The following ZNF420 variants were observed in gnomAD, a reference collection of about 807,000 sequenced individuals.
ZNF420 encodes the protein ATM and p53-associated KZNF protein.
In ZNF420, 31 loss-of-function variants were observed where a neutral mutation model predicts 44.7. That is an observed-to-expected ratio of 0.69 (90% CI 0.52 to 0.94). The LOEUF is 0.94. Among genes scored for constraint, ZNF420 ranks in the 40% least tolerant of loss-of-function variants. The pLI is 0.00. For synonymous variants in ZNF420, 245 were observed against 267.4 expected (o/e 0.92, Z 0.82); for missense variants, 681 against 827.9 (o/e 0.82, Z 2.18).
intron 1 of ZNF420, among the ~76,000 whole-genome samples, chr19:37,057,593 G>A (rs1025915473): frequency 2.6e-5 from 4 of 152,106 alleles, no homozygotes; most frequent in African/African-American, 9.7e-5. Context: ...ATGTCAACCT[G>A]TTTTTGGTGA....
In ZNF420 at chr19:37,110,363, C is replaced by G. The variant is rs561704572; in HGVS notation, c.137-16765C>G. 6.6e-5 allele frequency among the ~76,000 whole-genome samples: 10 copies of G among 152,254 alleles called. 2 individuals carry two copies. Among genetic ancestry groups the G allele is most frequent in the African/African-American group, 2.4e-4 (10 of 41,552 alleles). On this transcript the variant is annotated intron_variant, in intron 4 of 4. Coordinates refer to ENST00000337995, the MANE Select transcript of ZNF420 (RefSeq NM_144689.5). ...GTTGTACAATATTTTTTGCCTGTTT[C>G]TATGTGACATCAAATTTGTTTTTTA...
At chr19:37,063,258 T>C (rs1016619188) in intron 1 of ZNF420, among the ~76,000 whole-genome samples, 6 of 152,080 alleles carry the variant, frequency 3.9e-5, no homozygotes, top group African/African-American at 1.4e-4. Flanking sequence ...AAAAACTCAA[T>C]TGTATGTGAG....
At chr19:37,062,979 T>C (rs1168095500) in intron 1 of ZNF420, among the ~76,000 whole-genome samples, 1 of 152,244 alleles carries the variant, frequency 6.6e-6, no homozygotes, top group East Asian at 1.9e-4. Flanking sequence ...TGTACAAGCA[T>C]GACTGACGAA....
At chr19:37,098,128 T>G (rs1337835725) in intron 4 of ZNF420, among the ~76,000 whole-genome samples, 1 of 152,078 alleles carries the variant, frequency 6.6e-6, no homozygotes, top group Non-Finnish European at 1.5e-5. Context: ...ATTTTTGTAG[T>G]TTTTGTAGAG....
intron 1 of ZNF420, among the ~76,000 whole-genome samples, chr19:37,079,935 A>C (rs1246293346): frequency 6.6e-6 from 1 of 152,180 alleles, no homozygotes; most frequent in African/African-American, 2.4e-5. Context: ...CGGAGGTTGC[A>C]GTGAGCCAAG....
At chr19:37,075,572 C>T (rs1254300654), upstream of ZNF420, among the ~76,000 whole-genome samples, 1 of 152,018 alleles carries the variant, frequency 6.6e-6, no homozygotes, top group Non-Finnish European at 1.5e-5. Context: ...GAAACCCTGT[C>T]TCCACTAAAA....
intron 1 of ZNF420, among the ~76,000 whole-genome samples, chr19:37,031,630 C>T (rs763791510): frequency 4.6e-5 from 7 of 152,122 alleles, no homozygotes; most frequent in African/African-American, 9.6e-5. Flanking sequence ...CTCAGCCTCC[C>T]GAGTAGCTGG....
At chr19:37,093,515 G>A (rs1245747060) in intron 4 of ZNF420, among the ~76,000 whole-genome samples, 3 of 151,970 alleles carry the variant, frequency 2.0e-5, no homozygotes, top group South Asian at 2.1e-4. Flanking sequence ...CAGTGCACCC[G>A]GCCAAGAACT....
intron 1 of ZNF420, among the ~76,000 whole-genome samples, chr19:37,057,932 G>A (rs1967789524): frequency 6.6e-6 from 1 of 152,142 alleles, no homozygotes. Context: ...AACCGGAGAT[G>A]ACAACAATAC....
intron 1 of ZNF420, among the ~76,000 whole-genome samples, chr19:37,008,300 GTTTC>G (rs1383172772): frequency 6.6e-6 from 1 of 152,034 alleles, no homozygotes; most frequent in African/African-American, 2.4e-5. Flanking sequence ...CTCTCCCTCT[GTTTC>G]TTTCTCTGTG....
chr19:37,075,569 T>C (rs919171743), upstream of ZNF420, among the ~76,000 whole-genome samples: 1 of 152,042 alleles, frequency 6.6e-6, no homozygotes, highest in Non-Finnish European at 1.5e-5. Context: ...GGTGAAACCC[T>C]GTCTCCACTA....
intron 1 of ZNF420, among the ~76,000 whole-genome samples, chr19:37,020,110 G>C (rs1439452204): frequency 6.6e-6 from 1 of 151,676 alleles, no homozygotes; most frequent in Admixed American, 6.6e-5. Context: ...CCAGCTACTC[G>C]GGAGGCTGAG....
chr19:37,010,945 C>A (rs1171566041), intron 1 of ZNF420, among the ~76,000 whole-genome samples: 1 of 152,128 alleles, frequency 6.6e-6, no homozygotes, highest in Non-Finnish European at 1.5e-5. Context: ...AAAAATGAAG[C>A]CACACCACGA....
chr19:37,010,503 C>CTG (rs927936557), intron 1 of ZNF420, among the ~76,000 whole-genome samples: 18 of 151,922 alleles, frequency 1.2e-4, no homozygotes, highest in African/African-American at 4.1e-4. Flanking sequence ...TGCTCTATGT[C>CTG]TGTGTGTGTG....
intron 1 of ZNF420, among the ~76,000 whole-genome samples, chr19:37,072,014 C>G (rs1022879276): frequency 6.6e-6 from 1 of 152,082 alleles, no homozygotes; most frequent in African/African-American, 2.4e-5. Context: ...TCAATTTCCT[C>G]CAATGGACTG....
chr19:37,061,790 T>C (rs1452515033), intron 1 of ZNF420, among the ~76,000 whole-genome samples: 1 of 152,142 alleles, frequency 6.6e-6, no homozygotes, highest in Non-Finnish European at 1.5e-5. Context: ...CATCCACATA[T>C]CCCATATTTT....
At chr19:37,111,115 G>A (rs1970365618) in intron 4 of ZNF420, among the ~76,000 whole-genome samples, 1 of 152,212 alleles carries the variant, frequency 6.6e-6, no homozygotes, top group African/African-American at 2.4e-5. Flanking sequence ...CTGTGAGGAA[G>A]GAATGACCAC....
intron 1 of ZNF420, among the ~76,000 whole-genome samples, chr19:37,070,056 A>C (rs1968031023): frequency 6.6e-6 from 1 of 152,174 alleles, no homozygotes; most frequent in Non-Finnish European, 1.5e-5. Flanking sequence ...CAGCATGGAA[A>C]TAGCACAGGG....
intron 1 of ZNF420, among the ~76,000 whole-genome samples, chr19:37,016,859 G>A (rs1265747335): frequency 6.6e-6 from 1 of 152,172 alleles, no homozygotes; most frequent in Non-Finnish European, 1.5e-5. Context: ...TTCCAAGTCT[G>A]AAGCAAGATG....
Sources: allele counts gnomAD v4.1 joint callset (sites outside exome capture counted in the v4.1 genomes callset), GRCh38; gene constraint gnomAD v4.1.1; transcripts MANE v1.5; gene names NCBI Gene and HGNC (gene_info 2026-07-23, HGNC 2026-07-21).